MAPKAP1: variants seen among roughly 807,000 people sequenced by gnomAD.
MAPKAP1 encodes target of rapamycin complex 2 subunit MAPKAP1.
A neutral mutation model predicts 65.7 loss-of-function variants in MAPKAP1; 20 were observed. The observed-to-expected ratio is 0.30, with a 90% confidence interval of 0.21 to 0.44. The LOEUF is 0.44. Ranked by LOEUF, MAPKAP1 falls within the 20% of genes least tolerant of loss-of-function variation. The probability of loss-of-function intolerance (pLI) is 1.00; values close to 1 mark genes in which losing one functional copy is unlikely to be tolerated. For synonymous variants in MAPKAP1, 222 were observed against 244.3 expected, an observed-to-expected ratio of 0.91 and a Z score of 0.85; for missense variants, 423 against 648.0, an observed-to-expected ratio of 0.65 and a Z score of 3.77.
chr9:125,538,324 G>C (rs1830131078), intron 7 of MAPKAP1, among the ~76,000 whole-genome samples: 1 of 152,200 alleles, frequency 6.6e-6, no homozygotes, highest in Non-Finnish European at 1.5e-5. Flanking sequence ...CCATCCAACA[G>C]AGACGAAGAC....
chr9:125,543,035 G>A (rs1452735555), intron 7 of MAPKAP1, 24 bp downstream of exon 7: 1 of 1,459,876 alleles, frequency 6.8e-7, no homozygotes, highest in Non-Finnish European at 9.6e-7. Context: ...CTACTACTGT[G>A]AGAATATGAT....
At chr9:125,672,041 C>A (rs1834511916) in intron 2 of MAPKAP1, among the ~76,000 whole-genome samples, 1 of 152,190 alleles carries the variant, frequency 6.6e-6, no homozygotes, top group South Asian at 2.1e-4. Flanking sequence ...TGCCTTTCTA[C>A]ACAATGACTT....
intron 1 of MAPKAP1, among the ~76,000 whole-genome samples, chr9:125,700,544 G>C (rs963700878): frequency 4.0e-5 from 6 of 151,878 alleles, no homozygotes; most frequent in East Asian, 1.9e-4. Flanking sequence ...CTAGAGTTTC[G>C]GGTTTGTTTT....
At position 125,559,693 on chromosome 9, in the gene MAPKAP1, G is replaced by C. The variant is rs766898458; in HGVS notation, c.788C>G (p.Ala263Gly). ...PIHKFGFSTLALVEKYSSPGL... is the reference protein window; with the variant it reads ...PIHKFGFSTLGLVEKYSSPGL... ...AGGAGATGAGTACTTTTCAACCAGG[G>C]CCAAAGTACTGAAGCCAAACTTATG... The change falls in exon 6 of 12, where the codon GCC becomes GGC. Residue 263 changes from alanine to glycine, a missense_variant. Physicochemically the swap from Ala to Gly is moderately conservative, Grantham distance 60. Around this residue, in one of 6 missense-constraint regions of MAPKAP1, gnomAD observed 98 missense variants for 200.5 expected, o/e 0.49. Transcript: ENST00000265960. 9 of 1,613,966 alleles carry C rather than the reference G, an allele frequency of 5.6e-6. No individual in the cohort carries two copies. Among genetic ancestry groups the C allele is most frequent in the Non-Finnish European group, 7.6e-6 (9 of 1,179,908 alleles).
At chr9:125,549,780 T>A (rs1242744311) in intron 6 of MAPKAP1, among the ~76,000 whole-genome samples, 1 of 152,152 alleles carries the variant, frequency 6.6e-6, no homozygotes, top group Non-Finnish European at 1.5e-5. Flanking sequence ...GTATTTGAGC[T>A]CTTTGAGATG....
chr9:125,585,193 A>G (rs1457537444), intron 5 of MAPKAP1, among the ~76,000 whole-genome samples: 2 of 152,200 alleles, frequency 1.3e-5, no homozygotes, highest in African/African-American at 4.8e-5. Context: ...TGGGAGGATC[A>G]AATGAGATTC....
At chr9:125,684,998 T>C (rs1486838657) in intron 1 of MAPKAP1, among the ~76,000 whole-genome samples, 1 of 152,202 alleles carries the variant, frequency 6.6e-6, no homozygotes, top group East Asian at 1.9e-4. Flanking sequence ...CCCATTTCAC[T>C]GCACTTAGTT....
rs191426133 is a variant in MAPKAP1, at chr9:125,447,049, C to G, written c.1346-2451G>C. ...GACAGAGGGGAGGCCTGTGGTTCATCTGCACAGTCACGTGAAAAAAACAAA... is the reference window on the plus strand; with the variant it reads ...GACAGAGGGGAGGCCTGTGGTTCATGTGCACAGTCACGTGAAAAAAACAAA... On this transcript the variant is annotated intron_variant, in intron 10 of 11. Transcript: ENST00000265960. This position sits in a 1 kb window ranked among gnomAD's most constrained non-coding sequence, Gnocchi z 4.5. Among the ~76,000 whole-genome samples the G allele has an allele frequency of 6.6e-5, 10 of 152,264 alleles. No individual in the cohort carries two copies. In the East Asian group the frequency reaches 1.9e-3, roughly 29 times the overall value.
At chr9:125,625,259 A>T (rs55899014) in intron 4 of MAPKAP1, among the ~76,000 whole-genome samples, 1,262 of 54,986 alleles carry the variant, frequency 0.023, 5 homozygotes, top group Middle Eastern at 0.056. Context: ...AATAAATAAA[A>T]AAAAAAAAAA....
At chr9:125,510,824 T>A (rs1316390535) in intron 7 of MAPKAP1, among the ~76,000 whole-genome samples, 1 of 152,202 alleles carries the variant, frequency 6.6e-6, no homozygotes, top group Non-Finnish European at 1.5e-5. Context: ...AGAGAAAGAT[T>A]ATAGTATTTT....
intron 4 of MAPKAP1, among the ~76,000 whole-genome samples, chr9:125,637,280 TGAATAA>T (rs1188675807): frequency 6.7e-6 from 1 of 150,346 alleles, no homozygotes; most frequent in Non-Finnish European, 1.5e-5. Flanking sequence ...AAAAAATAAA[TGAATAA>T]AAATAAAAAT....
chr9:125,642,801 G>T (rs79341354), intron 4 of MAPKAP1, among the ~76,000 whole-genome samples: 118 of 152,162 alleles, frequency 7.8e-4, no homozygotes, highest in African/African-American at 2.7e-3. Flanking sequence ...TCTCACGATG[G>T]TATCAAGAGC....
At chr9:125,566,047 T>C (rs550361377) in intron 5 of MAPKAP1, among the ~76,000 whole-genome samples, 1 of 152,236 alleles carries the variant, frequency 6.6e-6, no homozygotes, top group Admixed American at 6.5e-5. Flanking sequence ...TAAAATTCTA[T>C]ATACAGTCAG....
rs1430763244 is a variant in MAPKAP1 at position 125,693,834 on chromosome 9, T to TACACACAC, written c.-70+13136_-70+13137insGTGTGTGT. On this transcript the variant is annotated intron_variant, in intron 1 of 11. Transcript: ENST00000265960. ...ACACACATATACACACACACACATATATATACACACATACACACACACACA... is the reference window on the plus strand; with the variant it reads ...ACACACATATACACACACACACATATACACACACATATACACACATACACACACACACA... Among the ~76,000 whole-genome samples the TACACACAC allele has an allele frequency of 8.3e-3, 729 of 87,814 alleles. 12 individuals carry two copies. Among genetic ancestry groups the TACACACAC allele is most frequent in the African/African-American group, 0.021 (466 of 21,968 alleles). The allele number at this position is 87,814 out of a possible 152,430, so 57.6% of individuals were successfully genotyped here. A position where few individuals can be genotyped will look rare whatever the true frequency, so the allele number is the denominator to read the frequency against.
At chr9:125,654,932 ACCCCAAACTCTTC>A (rs905490840) in intron 4 of MAPKAP1, among the ~76,000 whole-genome samples, 3 of 152,148 alleles carry the variant, frequency 2.0e-5, no homozygotes, top group African/African-American at 4.8e-5. Context: ...ATTTAATTAG[ACCCCAAACTCTTC>A]CCCATCCCCT....
At chr9:125,601,523 T>C (rs1475035301) in intron 4 of MAPKAP1, among the ~76,000 whole-genome samples, 2 of 152,234 alleles carry the variant, frequency 1.3e-5, no homozygotes, top group Non-Finnish European at 2.9e-5. Flanking sequence ...AATTTCACTG[T>C]ATCATTATTT....
chr9:125,631,027 T>C (rs1833265026), intron 4 of MAPKAP1, among the ~76,000 whole-genome samples: 1 of 150,904 alleles, frequency 6.6e-6, no homozygotes, highest in Admixed American at 6.6e-5. Flanking sequence ...AGCCCAAGAG[T>C]CTGAAGCTGC....
At chr9:125,517,470 G>A (rs1205712911) in intron 7 of MAPKAP1, among the ~76,000 whole-genome samples, 1 of 152,058 alleles carries the variant, frequency 6.6e-6, no homozygotes. Context: ...GATTTCTTTA[G>A]GGTTTAACTA....
intron 4 of MAPKAP1, among the ~76,000 whole-genome samples, chr9:125,586,813 G>T (rs1324618961): frequency 1.3e-5 from 2 of 152,010 alleles, no homozygotes; most frequent in African/African-American, 4.8e-5. Context: ...AGTTCAAATC[G>T]GAATGCTTGA....
Sources: gnomAD v4.1 joint callset for allele counts (sites outside exome capture counted in the v4.1 genomes callset) on GRCh38, gnomAD v4.1.1 for gene constraint, gnomAD v4.1.1 regional missense constraint, Gnocchi (gnomAD v3.1) non-coding constraint, MANE v1.5 for transcripts, NCBI Gene and HGNC (gene_info 2026-07-23, HGNC 2026-07-21) for gene names.